Variants in MPPED2 observed in about 807,000 individuals in gnomAD.
MPPED2 encodes metallophosphoesterase MPPED2.
MPPED2 carries 5 observed loss-of-function variants against 33.0 expected under a neutral mutation model. That is an observed-to-expected ratio of 0.15 (90% CI 0.08 to 0.32). The LOEUF (loss-of-function observed/expected upper bound fraction) is 0.32, where lower values mean the gene tolerates loss of function less well. Among genes scored for constraint, MPPED2 ranks in the 10% least tolerant of loss-of-function variants. The pLI, the probability that MPPED2 is intolerant of heterozygous loss-of-function variation, is 1.00. For missense variants in MPPED2, 275 were observed against 372.1 expected (o/e 0.74, Z 2.15); for synonymous variants, 136 against 141.9 (o/e 0.96, Z 0.29).
At chr11:30,547,631 G>A (rs1215189418) in intron 2 of MPPED2, among the ~76,000 whole-genome samples, 3 of 152,200 alleles carry the variant, frequency 2.0e-5, no homozygotes, top group Admixed American at 1.3e-4. Context: ...AATAATTTTT[G>A]TCTACAGATG....
chr11:30,523,181 G>A lies in MPPED2; in HGVS notation c.310+12813C>T, dbSNP rs569115289. Among the ~76,000 whole-genome samples the A allele has an allele frequency of 4.6e-5, 7 of 152,278 alleles. No individual in the cohort carries two copies. In the South Asian group the frequency reaches 1.2e-3, roughly 27 times the overall value. On this transcript the variant is annotated intron_variant, in intron 3 of 6. Transcript: ENST00000358117. ...GGTGGCAAACATCAAGAATTAGTGA[G>A]TCCAGTGATAGACTGGAAGCGGAAA...
chr11:30,554,884 C>G (rs1165417154), intron 2 of MPPED2, among the ~76,000 whole-genome samples: 2 of 152,142 alleles, frequency 1.3e-5, no homozygotes, highest in African/African-American at 4.8e-5. Context: ...CATCAGTTCT[C>G]TAAGTACACT....
intron 4 of MPPED2, among the ~76,000 whole-genome samples, chr11:30,489,046 CTT>C (rs1445167657): frequency 9.7e-5 from 6 of 61,854 alleles, no homozygotes; most frequent in Non-Finnish European, 2.2e-4. Flanking sequence ...TCTTCTTCTT[CTT>C]CTCCTTTTTT....
At chr11:30,429,649 G>A (rs1435537567) in intron 4 of MPPED2, among the ~76,000 whole-genome samples, 1 of 152,084 alleles carries the variant, frequency 6.6e-6, no homozygotes, top group Non-Finnish European at 1.5e-5. Flanking sequence ...GGGCGCTCTG[G>A]GGAGATCTAA....
At chr11:30,572,943 A>G (rs1253418458) in intron 2 of MPPED2, among the ~76,000 whole-genome samples, 1 of 152,214 alleles carries the variant, frequency 6.6e-6, no homozygotes, top group African/African-American at 2.4e-5. Flanking sequence ...TGCTAAGACC[A>G]TTACGTCTAT....
intron 3 of MPPED2, among the ~76,000 whole-genome samples, chr11:30,516,289 T>C (rs1414769921): frequency 6.6e-6 from 1 of 152,308 alleles, no homozygotes; most frequent in East Asian, 1.9e-4. Context: ...TTCCAGACAC[T>C]CTTCTGATGC....
chr11:30,565,378 A>C (rs990795118), intron 2 of MPPED2, among the ~76,000 whole-genome samples: 11 of 152,150 alleles, frequency 7.2e-5, no homozygotes, highest in African/African-American at 2.7e-4. Flanking sequence ...ATTTTAAAGA[A>C]AGATTTTCAT....
intron 4 of MPPED2, among the ~76,000 whole-genome samples, chr11:30,442,853 T>G (rs1439783061): frequency 6.6e-6 from 1 of 152,106 alleles, no homozygotes; most frequent in Non-Finnish European, 1.5e-5. Flanking sequence ...CTACAAAAAT[T>G]GTTTTAAAAA....
intron 4 of MPPED2, among the ~76,000 whole-genome samples, chr11:30,453,234 A>G (rs1950140114): frequency 6.6e-6 from 1 of 152,180 alleles, no homozygotes; most frequent in Non-Finnish European, 1.5e-5. Context: ...GTTATGTCAA[A>G]TTGAAGACTC....
Position 30,536,091 on chromosome 11 carries a change from A to G in MPPED2, c.213T>C (p.Asp71=). The stretch of plus-strand genomic sequence containing the variant: ...TGTCCCCATAAGGCATCTGGATACC[A>G]TCTGTTCTGGAGTGTGTGTCTGAGA... ...VCISDTHSRT[D]GIQMPYGDIL... The change falls in exon 3 of 7, where the codon GAT becomes GAC. Residue 71 remains aspartate (D), a synonymous_variant. Coordinates refer to ENST00000358117, the MANE Select transcript of MPPED2 (RefSeq NM_001584.3). The G allele has an allele frequency of 1.9e-6, 3 of 1,613,622 alleles. No homozygotes were observed. The highest frequency in any genetic ancestry group is 1.7e-6 in the Non-Finnish European group (2 of 1,179,840).
At chr11:30,475,891 A>C (rs1951170853) in intron 4 of MPPED2, among the ~76,000 whole-genome samples, 1 of 152,032 alleles carries the variant, frequency 6.6e-6, no homozygotes, top group African/African-American at 2.4e-5. Flanking sequence ...GTGGATCCAT[A>C]TATTTGTCAT....
downstream of MPPED2, among the ~76,000 whole-genome samples, chr11:30,409,649 T>G (rs1244975324): frequency 6.6e-6 from 1 of 152,146 alleles, no homozygotes; most frequent in Admixed American, 6.5e-5. Flanking sequence ...CAGAATACAA[T>G]CCAATGAGCC....
At chr11:30,554,683 T>C (rs1055964681) in intron 2 of MPPED2, among the ~76,000 whole-genome samples, 2 of 152,028 alleles carry the variant, frequency 1.3e-5, no homozygotes, top group African/African-American at 4.8e-5. Context: ...TTAGTAGAGA[T>C]GGGGTTTCAC....
chr11:30,537,017 G>A (rs972231690), intron 2 of MPPED2, among the ~76,000 whole-genome samples: 3 of 151,798 alleles, frequency 2.0e-5, no homozygotes, highest in Admixed American at 6.6e-5. Context: ...ATTACACCAG[G>A]GCATAAGAAT....
At chr11:30,536,404 T>G (rs552366531) in intron 2 of MPPED2, among the ~76,000 whole-genome samples, 1 of 152,112 alleles carries the variant, frequency 6.6e-6, no homozygotes, top group South Asian at 2.1e-4. Flanking sequence ...GTAGGAAAAT[T>G]AAAAGGAATG....
intron 4 of MPPED2, among the ~76,000 whole-genome samples, chr11:30,472,077 G>A (rs964088333): frequency 5.9e-5 from 9 of 152,200 alleles, no homozygotes; most frequent in African/African-American, 1.2e-4. Context: ...CAAATTAAGC[G>A]GTAAGGCTAG....
At chr11:30,558,545 A>C (rs534041219) in intron 2 of MPPED2, among the ~76,000 whole-genome samples, 103 of 151,152 alleles carry the variant, frequency 6.8e-4, no homozygotes, top group African/African-American at 2.5e-3. Flanking sequence ...CCTCTCAAGT[A>C]GCTAGAAATA....
intron 2 of MPPED2, among the ~76,000 whole-genome samples, chr11:30,550,971 C>A (rs951009312): frequency 2.0e-5 from 3 of 152,194 alleles, no homozygotes; most frequent in African/African-American, 7.2e-5. Context: ...TCCCTTCCAT[C>A]TTTATCATGT....
rs538573278 is a variant in MPPED2, at chr11:30,518,936, A to G, written c.310+17058T>C. 1.3e-4 allele frequency among the ~76,000 whole-genome samples: 20 copies of G among 152,230 alleles called. No homozygotes were observed. In the South Asian group the frequency reaches 3.7e-3, roughly 28 times the overall value. ...GCAAATTATTAGTTTACTCACTTTC[A>G]TAGTATTAAATGTGTATGCTTAAAA... On this transcript the variant is annotated intron_variant, in intron 3 of 6. Coordinates refer to ENST00000358117, the MANE Select transcript of MPPED2 (RefSeq NM_001584.3).
Sources: allele counts gnomAD v4.1 joint callset (sites outside exome capture counted in the v4.1 genomes callset), GRCh38; gene constraint gnomAD v4.1.1; transcripts MANE v1.5; gene names NCBI Gene and HGNC (gene_info 2026-07-23, HGNC 2026-07-21).